Variants in SAMD12 observed in about 807,000 individuals in gnomAD.
SAMD12 encodes sterile alpha motif domain containing 12, also known as sterile alpha motif domain-containing protein 12.
A neutral mutation model predicts 15.0 loss-of-function variants in SAMD12; 9 were observed. The observed-to-expected ratio is 0.60, with a 90% CI of 0.36 to 1.05. SAMD12 has a LOEUF of 1.05. Among genes scored for constraint, SAMD12 ranks in the 50% least tolerant of loss-of-function variants. The pLI, the probability that SAMD12 is intolerant of heterozygous loss-of-function variation, is 0.01. For synonymous variants in SAMD12, 86 were observed against 90.1 expected, an observed-to-expected ratio of 0.96 and a Z score of 0.25; for missense variants, 230 against 234.2, an observed-to-expected ratio of 0.98 and a Z score of 0.12.
intron 2 of SAMD12, among the ~76,000 whole-genome samples, chr8:118,495,816 C>T: frequency 6.6e-6 from 1 of 152,190 alleles, no homozygotes; most frequent in Admixed American, 6.5e-5. Flanking sequence ...TAATGTGTTA[C>T]TAATATTAAT....
chr8:118,158,888 C>A, the SAMD12 span, among the ~76,000 whole-genome samples: 1 of 152,182 alleles, frequency 6.6e-6, no homozygotes, highest in South Asian at 2.1e-4. Flanking sequence ...CAGAAAGGAG[C>A]TACCCACTTC....
Position 118,379,634 on chromosome 8 carries a change from C to T in SAMD12, c.389G>A (p.Arg130Gln), listed in dbSNP as rs768691993. ...ERMGIAQENL[R>Q]QHILQQVLQL... ...GAGCACCTGTTGTAAGATGTGCTGCCGGAGGTTCTCCTGGGCAATCCCCAT... is the reference window on the plus strand; with the variant it reads ...GAGCACCTGTTGTAAGATGTGCTGCTGGAGGTTCTCCTGGGCAATCCCCAT... Residue 130 changes from arginine (R) to glutamine (Q), a missense_variant, in exon 4 of 4, where the codon CGG becomes CAG. By Grantham distance (43) the Arg-to-Gln change is conservative (BLOSUM62 1). Coordinates refer to ENST00000314727, the MANE Select transcript of SAMD12 (RefSeq NM_207506.3). 44 of 1,613,758 alleles carry T rather than the reference C, an allele frequency of 2.7e-5. No homozygotes were observed. Among genetic ancestry groups the T allele is most frequent in the South Asian group, 3.3e-5 (3 of 91,084 alleles).
chr8:118,605,349 T>G (rs1827959878), intron 1 of SAMD12, among the ~76,000 whole-genome samples: 1 of 152,242 alleles, frequency 6.6e-6, no homozygotes, highest in Non-Finnish European at 1.5e-5. Flanking sequence ...ATACATTATT[T>G]TAAAAAATAT....
intron 4 of SAMD12, among the ~76,000 whole-genome samples, chr8:118,226,104 A>C (rs993165144): frequency 2.0e-5 from 3 of 152,202 alleles, no homozygotes; most frequent in African/African-American, 7.2e-5. Flanking sequence ...GTGCATACTA[A>C]GTGTTTTATA....
chr8:118,586,686 G>A (rs1161893613), intron 1 of SAMD12, among the ~76,000 whole-genome samples: 1 of 152,098 alleles, frequency 6.6e-6, no homozygotes, highest in East Asian at 1.9e-4. Context: ...TATGTACCAT[G>A]TGTTGCAAAT....
intron 1 of SAMD12, among the ~76,000 whole-genome samples, chr8:118,617,859 T>G (rs1415210796): frequency 6.6e-6 from 1 of 152,142 alleles, no homozygotes; most frequent in East Asian, 1.9e-4. Flanking sequence ...CACATTTTTC[T>G]TCTCCCTGAA....
intron 2 of SAMD12, among the ~76,000 whole-genome samples, chr8:118,469,509 A>C (rs1284021950): frequency 0.032 from 23 of 720 alleles, no homozygotes; most frequent in African/African-American, 0.068. Context: ...ATTTTTATAT[A>C]ATATATAATA....
intron 2 of SAMD12, among the ~76,000 whole-genome samples, chr8:118,486,923 C>A (rs532737617): frequency 6.6e-6 from 1 of 152,172 alleles, no homozygotes; most frequent in African/African-American, 2.4e-5. Flanking sequence ...TAGCAGAATG[C>A]AGCCACTGTC....
intron 1 of SAMD12, among the ~76,000 whole-genome samples, chr8:118,594,899 T>C (rs1157124135): frequency 6.6e-6 from 1 of 152,216 alleles, no homozygotes; most frequent in Non-Finnish European, 1.5e-5. Flanking sequence ...AACATATACC[T>C]GTATTCCTTA....
chr8:118,239,766 C>T (rs1195313208), intron 4 of SAMD12: 2 of 152,042 alleles, frequency 1.3e-5, no homozygotes, highest in Non-Finnish European at 2.9e-5. Context: ...TTCATGTAGC[C>T]AACATAAAGG....
At chr8:118,467,078 G>GA (rs1206031090) in intron 2 of SAMD12, among the ~76,000 whole-genome samples, 1 of 152,168 alleles carries the variant, frequency 6.6e-6, no homozygotes, top group Non-Finnish European at 1.5e-5. Context: ...GCTGGGAACA[G>GA]AAAATGACAG....
chr8:118,484,817 G>T (rs752290120), intron 2 of SAMD12, among the ~76,000 whole-genome samples: 1 of 152,068 alleles, frequency 6.6e-6, no homozygotes, highest in African/African-American at 2.4e-5. Context: ...TCTCTAGAAG[G>T]GTGGTTACAA....
At chr8:118,176,841 G>A in the SAMD12 span, among the ~76,000 whole-genome samples, 1 of 152,120 alleles carries the variant, frequency 6.6e-6, no homozygotes, top group African/African-American at 2.4e-5. Flanking sequence ...TATAACAATA[G>A]TATTTAACAT....
chr8:118,422,482 A>C (rs903252845), intron 3 of SAMD12, among the ~76,000 whole-genome samples: 20 of 152,284 alleles, frequency 1.3e-4, no homozygotes, highest in Admixed American at 1.2e-3. Context: ...AAATGACCAA[A>C]AGTTCACGAA....
In SAMD12 at chr8:118,403,953, T is replaced by A. The variant is rs76891941; in HGVS notation, c.323-24253A>T. ...GTTTCCAGCAATATAAGTCTCAGTG[T>A]CATGTGTTTTGCTTGATAGATTTTT... On this transcript the variant is annotated intron_variant, in intron 3 of 3. Transcript: ENST00000314727. 8.5e-3 allele frequency among the ~76,000 whole-genome samples: 1,300 copies of A among 152,278 alleles called. 14 individuals carry two copies. The highest frequency in any genetic ancestry group is 0.012 in the Non-Finnish European group (818 of 68,020).
At chr8:118,579,397 T>C (rs949625639) in intron 2 of SAMD12, among the ~76,000 whole-genome samples, 3 of 152,182 alleles carry the variant, frequency 2.0e-5, no homozygotes, top group African/African-American at 4.8e-5. Flanking sequence ...CCAAACTTCA[T>C]TGATCATCAG....
At chr8:118,354,970 A>G (rs1818158120) in intron 4 of SAMD12, among the ~76,000 whole-genome samples, 1 of 152,250 alleles carries the variant, frequency 6.6e-6, no homozygotes, top group Non-Finnish European at 1.5e-5. Flanking sequence ...CACTATGGAA[A>G]ACAGTGTGGA....
At chr8:118,238,021 A>AAAAC (rs528933658) in intron 4 of SAMD12, among the ~76,000 whole-genome samples, 6 of 152,132 alleles carry the variant, frequency 3.9e-5, no homozygotes, top group Admixed American at 2.6e-4. Flanking sequence ...AAAACAAAAC[A>AAAAC]AAACAAACAA....
chr8:118,579,262 AAGTC>A (rs923352818), intron 2 of SAMD12, among the ~76,000 whole-genome samples: 11 of 152,254 alleles, frequency 7.2e-5, no homozygotes, highest in African/African-American at 2.6e-4. Flanking sequence ...CACTCATAGA[AAGTC>A]TGTTTATCTT....
Sources: allele counts gnomAD v4.1 joint callset (sites outside exome capture counted in the v4.1 genomes callset), GRCh38; gene constraint gnomAD v4.1.1; transcripts MANE v1.5; gene names NCBI Gene and HGNC (gene_info 2026-07-23, HGNC 2026-07-21).